CFAP54: variants seen among roughly 807,000 people sequenced by gnomAD.
CFAP54 encodes the protein cilia- and flagella-associated protein 54.
CFAP54 carries 290 observed loss-of-function variants against 370.4 expected under a neutral mutation model. The ratio of observed to expected loss-of-function variants is 0.78; its 90% CI spans 0.71 to 0.86. The LOEUF (loss-of-function observed/expected upper bound fraction) is 0.86, where lower values mean the gene tolerates loss of function less well. Ranked by LOEUF, CFAP54 falls within the 40% of genes least tolerant of loss-of-function variation. CFAP54 has a pLI of 0.00. For missense variants in CFAP54, 3,399 were observed against 3,528.7 expected (o/e 0.96, Z 0.93); for synonymous variants, 1,206 against 1,236.5 (o/e 0.98, Z 0.52).
intron 58 of CFAP54, among the ~76,000 whole-genome samples, chr12:96,760,727 G>A (rs1003340810): frequency 6.6e-6 from 1 of 152,154 alleles, no homozygotes; most frequent in Non-Finnish European, 1.5e-5. Flanking sequence ...TCTTGTTTAT[G>A]CCTGCTTCTT....
chr12:96,708,759 C>T lies in CFAP54; in HGVS notation c.6680C>T (p.Thr2227Ile). Reference protein sequence around the residue: ...INCVPENKFKTVITNKSKPNL... With the variant: ...INCVPENKFKIVITNKSKPNL... The stretch of plus-strand genomic sequence containing the variant: ...TGTGTCCCAGAAAATAAATTTAAGA[C>T]AGTAATTACCAACAAGAGCAAACCA... Residue 2227 changes from threonine (T) to isoleucine (I), a missense_variant, in exon 48 of 68, where the codon ACA (threonine) becomes ATA (isoleucine). Physicochemically the swap from Thr to Ile is moderately conservative, Grantham distance 89 (BLOSUM62 -1). Around this residue, in one of 3 missense-constraint regions of CFAP54, gnomAD observed 2,796 missense variants for 2,869.7 expected, o/e 0.97. Transcript: ENST00000524981. 1 of 1,609,672 alleles carries T rather than the reference C, an allele frequency of 6.2e-7. No homozygotes were observed. Among genetic ancestry groups the T allele is most frequent in the Non-Finnish European group, 8.5e-7 (1 of 1,178,372 alleles).
At chr12:96,693,527 T>A (rs1158005757) in intron 44 of CFAP54, among the ~76,000 whole-genome samples, 195 bp from the exon 45 acceptor site, 2 of 152,230 alleles carry the variant, frequency 1.3e-5, no homozygotes, top group Non-Finnish European at 2.9e-5. Context: ...TCTGATAGCA[T>A]CTTAAAGTTC....
chr12:96,860,560 T>TA (rs1287924746), intron 66 of CFAP54, among the ~76,000 whole-genome samples: 2 of 152,224 alleles, frequency 1.3e-5, no homozygotes, highest in Non-Finnish European at 2.9e-5. Flanking sequence ...CCAAAAGTCT[T>TA]ACATTTAGAA....
intron 2 of CFAP54, among the ~76,000 whole-genome samples, chr12:96,502,358 T>A (rs1955038831): frequency 7.0e-6 from 1 of 143,442 alleles, no homozygotes; most frequent in Non-Finnish European, 1.5e-5. Context: ...GCCCAGGAGT[T>A]TGAGACAAGC....
At chr12:96,854,159 A>G (rs958063588) in intron 66 of CFAP54, among the ~76,000 whole-genome samples, 1 of 152,164 alleles carries the variant, frequency 6.6e-6, no homozygotes, top group African/African-American at 2.4e-5. Context: ...CAGACATGAG[A>G]TAATTCATTA....
chr12:96,700,037 G>T lies in CFAP54; in HGVS notation c.6418G>T (p.Gly2140Ter), dbSNP rs1429595151. Residue 2140 changes from glycine to a stop codon, truncating the protein, a stop_gained, in exon 46 of 68, where the codon GGA becomes TGA. Transcript: ENST00000524981. LOFTEE classifies it high-confidence loss of function. ...AFYEISQIFY[G>*]KNMPCPIPAG... ...TTATGAGATATCCCAAATTTTCTAT[G>T]GAAAAAACATGCCTTGTCCAATACC... is the stretch of plus-strand genomic sequence containing the variant. The T allele has an allele frequency of 3.1e-6, 5 of 1,608,528 alleles. No homozygotes were observed. Among genetic ancestry groups the T allele is most frequent in the Non-Finnish European group, 4.2e-6 (5 of 1,177,088 alleles).
chr12:96,812,973 CT>C (rs1428772959), intron 64 of CFAP54, among the ~76,000 whole-genome samples: 1 of 151,594 alleles, frequency 6.6e-6, no homozygotes, highest in Non-Finnish European at 1.5e-5. Context: ...TTTCCTTTCC[CT>C]TTCCTTTCTT....
At chr12:96,528,749 C>A (rs1396345099) in intron 9 of CFAP54, among the ~76,000 whole-genome samples, 1 of 152,110 alleles carries the variant, frequency 6.6e-6, no homozygotes, top group Non-Finnish European at 1.5e-5. Flanking sequence ...CCTTGTTGAT[C>A]TTCCCTATTG....
intron 67 of CFAP54, among the ~76,000 whole-genome samples, chr12:96,867,760 T>A (rs1960042609): frequency 6.6e-6 from 1 of 152,094 alleles, no homozygotes; most frequent in Non-Finnish European, 1.5e-5. Context: ...GAGGGGCTGT[T>A]GAGGAGATGT....
rs1957315783 is a variant in CFAP54 at position 96,685,305 on chromosome 12, CA to C, written c.6014+68del. On this transcript the variant is annotated intron_variant, in intron 42 of 67. Coordinates refer to ENST00000524981, the MANE Select transcript of CFAP54 (RefSeq NM_001306084.2). ...TTCCTTGTGGGGTGCCCTCCTGTGCCATACAAAGTGCTATGCCTCATGCACA... is the reference window on the plus strand; with the variant it reads ...TTCCTTGTGGGGTGCCCTCCTGTGCCTACAAAGTGCTATGCCTCATGCACA... 5.6e-6 allele frequency: 8 copies of C among 1,425,386 alleles called. No individual in the cohort carries two copies. The South Asian group carries it at 5.8e-5, about 10-fold the overall frequency. The allele number at this position is 1,425,386 out of a possible 1,614,324, so 88.3% of individuals were successfully genotyped here.
At chr12:96,771,608 C>A (rs983894149) in intron 60 of CFAP54, among the ~76,000 whole-genome samples, 1 of 152,102 alleles carries the variant, frequency 6.6e-6, no homozygotes. Flanking sequence ...GCCGAGATAG[C>A]GCCACTGCAC....
chr12:96,553,531 T>C (rs1005317457), intron 15 of CFAP54, among the ~76,000 whole-genome samples: 2 of 136,310 alleles, frequency 1.5e-5, no homozygotes, highest in Non-Finnish European at 3.1e-5. Flanking sequence ...TATATAGTTA[T>C]ATATATATAT....
intron 60 of CFAP54, among the ~76,000 whole-genome samples, chr12:96,765,707 A>T (rs1461030488): frequency 6.6e-6 from 1 of 152,228 alleles, no homozygotes; most frequent in Admixed American, 6.5e-5. Context: ...TCTACAGCAA[A>T]TTGCACAGTG....
At chr12:96,821,472 ATTTGT>A (rs1052675692) in intron 65 of CFAP54, among the ~76,000 whole-genome samples, 6 of 151,984 alleles carry the variant, frequency 3.9e-5, no homozygotes, top group Admixed American at 1.3e-4. Context: ...GTGTTTTTGA[ATTTGT>A]TTTATTCTCC....
chr12:96,774,559 T>C (rs1251451134), intron 60 of CFAP54, among the ~76,000 whole-genome samples: 1 of 152,146 alleles, frequency 6.6e-6, no homozygotes, highest in Non-Finnish European at 1.5e-5. Context: ...ATATACTTAA[T>C]ATAAAGATAA....
chr12:96,810,868 G>T (rs1166620603), intron 63 of CFAP54, among the ~76,000 whole-genome samples: 1 of 152,126 alleles, frequency 6.6e-6, no homozygotes, highest in Non-Finnish European at 1.5e-5. Context: ...GTTATTTAAT[G>T]AGATTCCTAG....
chr12:96,715,505 C>A (rs758315604), intron 48 of CFAP54, among the ~76,000 whole-genome samples: 1 of 152,076 alleles, frequency 6.6e-6, no homozygotes, highest in African/African-American at 2.4e-5. Context: ...CAGTGAAACA[C>A]TGGTACTGTC....
chr12:96,802,170 A>G (rs1210101251), intron 63 of CFAP54, among the ~76,000 whole-genome samples: 1 of 152,054 alleles, frequency 6.6e-6, no homozygotes, highest in Non-Finnish European at 1.5e-5. Flanking sequence ...AGTCTCTCCT[A>G]TGCATACCTA....
intron 26 of CFAP54, among the ~76,000 whole-genome samples, chr12:96,609,678 TA>T (rs1221703887): frequency 6.6e-6 from 1 of 152,068 alleles, no homozygotes; most frequent in Middle Eastern, 3.2e-3. Context: ...GACGATCTGG[TA>T]AAAAAATTAC....
Sources: gnomAD v4.1 joint callset for allele counts (sites outside exome capture counted in the v4.1 genomes callset) on GRCh38, gnomAD v4.1.1 for gene constraint, gnomAD v4.1.1 regional missense constraint, MANE v1.5 for transcripts, NCBI Gene and HGNC (gene_info 2026-07-23, HGNC 2026-07-21) for gene names.